H2BK1: variants seen among roughly 807,000 people sequenced by gnomAD.
The protein encoded by H2BK1 is histone H2B type 2-K1.
the H2BK1 span, among the ~76,000 whole-genome samples, chr7:151,209,069 G>A: frequency 1.5e-5 from 2 of 136,604 alleles, no homozygotes; most frequent in Non-Finnish European, 3.1e-5. Flanking sequence ...AGCACACCCC[G>A]TTCTCCTTAG....
chr7:151,208,267 G>A, the H2BK1 span, among the ~76,000 whole-genome samples: 2 of 152,250 alleles, frequency 1.3e-5, no homozygotes, highest in South Asian at 4.1e-4. Context: ...CAACAGTCAT[G>A]GAAATAGGGA....
chr7:151,208,156 G>T, the H2BK1 span: 6 of 1,586,450 alleles, frequency 3.8e-6, no homozygotes, highest in Admixed American at 1.0e-4. Flanking sequence ...CCAGGGGAGG[G>T]GGGGTCCTGC....
chr7:151,208,618 G>C, the H2BK1 span, among the ~76,000 whole-genome samples: 4 of 152,172 alleles, frequency 2.6e-5, no homozygotes, highest in Non-Finnish European at 5.9e-5. Flanking sequence ...CCAGAGGCGG[G>C]ACTGTAGTGT....
the H2BK1 span, among the ~76,000 whole-genome samples, chr7:151,209,718 G>A: frequency 1.3e-5 from 2 of 152,070 alleles, no homozygotes; most frequent in Non-Finnish European, 2.9e-5. Context: ...GGGGCCTCAA[G>A]CTGTTTGTCT....
chr7:151,208,015 G>C, the H2BK1 span: 5,231 of 1,600,148 alleles, frequency 3.3e-3, 142 homozygotes, highest in African/African-American at 0.062. Context: ...GGGCCAGCCG[G>C]GCAGCCTCAC....
the H2BK1 span, among the ~76,000 whole-genome samples, chr7:151,209,346 T>A: frequency 7.3e-6 from 1 of 136,434 alleles, no homozygotes; most frequent in East Asian, 2.6e-4. Context: ...AGGTTGTCAA[T>A]TCACTAAACC....
chr7:151,209,181 C>T, the H2BK1 span, among the ~76,000 whole-genome samples: 1 of 152,172 alleles, frequency 6.6e-6, no homozygotes, highest in South Asian at 2.1e-4. Context: ...TTTTGCCCCT[C>T]AAAGTCGGGC....
chr7:151,210,420 G>A, the H2BK1 span: 3,363 of 313,720 alleles, frequency 0.011, 169 homozygotes, highest in African/African-American at 0.07. Context: ...CTGGGAGGGG[G>A]GGGGGGGGCA....
the H2BK1 span, among the ~76,000 whole-genome samples, chr7:151,209,834 A>G: frequency 6.6e-6 from 1 of 152,188 alleles, no homozygotes; most frequent in Non-Finnish European, 1.5e-5. Flanking sequence ...CTCGGTCACC[A>G]ACACACTTTG....
At chr7:151,210,423 G>C in the H2BK1 span, 511 of 377,210 alleles carry the variant, frequency 1.4e-3, 7 homozygotes, top group African/African-American at 9.4e-3. Context: ...GGAGGGGGGG[G>C]GGGGGCAGGT....
the H2BK1 span, chr7:151,207,925 C>T: frequency 8.7e-5 from 105 of 1,209,162 alleles, no homozygotes; most frequent in African/African-American, 1.5e-3. Flanking sequence ...ACACAGCGTG[C>T]TTGGCCAGCT....
chr7:151,209,950 C>T, the H2BK1 span, among the ~76,000 whole-genome samples: 4 of 152,330 alleles, frequency 2.6e-5, no homozygotes, highest in East Asian at 7.7e-4. Flanking sequence ...CATCATCGTT[C>T]CCGTAAACTT....
chr7:151,209,244 CAG>C, the H2BK1 span, among the ~76,000 whole-genome samples: 9 of 152,162 alleles, frequency 5.9e-5, no homozygotes, highest in South Asian at 4.2e-4. Context: ...TTCAGGGCAC[CAG>C]AGTCTGTCCT....
the H2BK1 span, chr7:151,210,038 C>A: frequency 3.0e-5 from 12 of 394,186 alleles, no homozygotes; most frequent in Admixed American, 8.9e-5. Context: ...ACCTCAAAAA[C>A]CAGGTCCCGC....
the H2BK1 span, chr7:151,207,883 G>T: frequency 9.9e-7 from 1 of 1,007,246 alleles, no homozygotes; most frequent in Admixed American, 1.7e-5. Flanking sequence ...ACTTGGAGCT[G>T]GTGTACTTGG....
the H2BK1 span, chr7:151,210,283 C>T: frequency 2.5e-6 from 1 of 399,220 alleles, no homozygotes; most frequent in South Asian, 1.3e-4. Context: ...CCCCACGGCC[C>T]CCGGGCTGCT....
chr7:151,210,074 T>C, the H2BK1 span: 1 of 396,130 alleles, frequency 2.5e-6, no homozygotes, highest in Non-Finnish European at 4.4e-6. Flanking sequence ...CAGGCCTGCC[T>C]GAGCCACTTG....
chr7:151,208,560 G>A, the H2BK1 span, among the ~76,000 whole-genome samples: 1 of 152,184 alleles, frequency 6.6e-6, no homozygotes, highest in Non-Finnish European at 1.5e-5. Context: ...ATGGTGCTAT[G>A]GTAAATGCCC....
At chr7:151,209,391 T>C in the H2BK1 span, among the ~76,000 whole-genome samples, 9 of 145,842 alleles carry the variant, frequency 6.2e-5, no homozygotes, top group African/African-American at 2.0e-4. Flanking sequence ...AGGCATTACC[T>C]CTGGGGCCTG....
Sources: allele counts gnomAD v4.1 joint callset (sites outside exome capture counted in the v4.1 genomes callset), GRCh38; gene constraint gnomAD v4.1.1; transcripts MANE v1.5; gene names NCBI Gene and HGNC (gene_info 2026-07-23, HGNC 2026-07-21).